ITGA8: variants seen among roughly 807,000 people sequenced by gnomAD.
ITGA8 encodes integrin subunit alpha 8.
ITGA8 carries 91 observed loss-of-function variants against 142.3 expected under a neutral mutation model. The observed-to-expected ratio is 0.64, with a 90% CI of 0.54 to 0.76. The LOEUF (loss-of-function observed/expected upper bound fraction) is 0.76, where lower values mean the gene tolerates loss of function less well. Ranked by LOEUF, ITGA8 falls within the 30% of genes least tolerant of loss-of-function variation. The pLI, the probability that ITGA8 is intolerant of heterozygous loss-of-function variation, is 0.00. For synonymous variants in ITGA8, 505 were observed against 485.2 expected, an observed-to-expected ratio of 1.04 and a Z score of -0.54; for missense variants, 1,406 against 1,327.7, an observed-to-expected ratio of 1.06 and a Z score of -0.92.
chr10:15,662,034 A>C (rs535892373), intron 8 of ITGA8, among the ~76,000 whole-genome samples: 1 of 152,314 alleles, frequency 6.6e-6, no homozygotes, highest in South Asian at 2.1e-4. Flanking sequence ...GAAACATGGC[A>C]ACCACAACTT....
At chr10:15,623,310 C>T (rs11253580) in intron 13 of ITGA8, among the ~76,000 whole-genome samples, 37,005 of 152,084 alleles carry the variant, frequency 0.24, 5,291 homozygotes, top group Non-Finnish European at 0.33. Context: ...GGCTCCTGAA[C>T]CCACACTGGG....
rs1000100339 is a variant in ITGA8, at chr10:15,516,074, C to A, written c.*1084G>T. 1 of 152,042 alleles carries A rather than the reference C, an allele frequency of 6.6e-6. No homozygotes were observed. The highest frequency in any genetic ancestry group is 1.5e-5 in the Non-Finnish European group (1 of 68,004). The allele number at this position is 152,042 out of a possible 1,614,324, so 9.4% of individuals were successfully genotyped here. ...CAAGTACAAGGCATAGCAGGAAAAA[C>A]GGGTATTTAATCCCAAGCTAAATAT... On this transcript the variant is annotated 3_prime_UTR_variant, in exon 30 of 30. Transcript: ENST00000378076.
chr10:15,709,288 C>T (rs565450178), intron 2 of ITGA8, among the ~76,000 whole-genome samples: 1 of 152,346 alleles, frequency 6.6e-6, no homozygotes, highest in East Asian at 1.9e-4. Context: ...CGAAACTTCT[C>T]ACTTTTCTCT....
intron 2 of ITGA8, among the ~76,000 whole-genome samples, chr10:15,713,838 A>T (rs954913709): frequency 3.9e-5 from 6 of 152,152 alleles, no homozygotes; most frequent in African/African-American, 1.4e-4. Flanking sequence ...ATTGTCTTCC[A>T]TTTTAAGTTT....
intron 2 of ITGA8, among the ~76,000 whole-genome samples, chr10:15,697,176 T>A (rs1835069639): frequency 6.6e-6 from 1 of 152,134 alleles, no homozygotes; most frequent in African/African-American, 2.4e-5. Flanking sequence ...TAAGATAGAC[T>A]AAGATTCAAC....
chr10:15,584,078 C>T (rs1371112899), intron 23 of ITGA8, among the ~76,000 whole-genome samples: 3 of 152,136 alleles, frequency 2.0e-5, no homozygotes, highest in African/African-American at 7.2e-5. Flanking sequence ...AGGTGGATCA[C>T]CTGAGGTACA....
At chr10:15,670,673 T>C (rs1834495197) in intron 8 of ITGA8, among the ~76,000 whole-genome samples, 1 of 152,308 alleles carries the variant, frequency 6.6e-6, no homozygotes, top group African/African-American at 2.4e-5. Context: ...GCAGCCAGTG[T>C]GATTTGTTCT....
At chr10:15,557,635 G>A (rs963247592) in intron 26 of ITGA8, among the ~76,000 whole-genome samples, 2 of 152,282 alleles carry the variant, frequency 1.3e-5, no homozygotes, top group East Asian at 1.9e-4. Flanking sequence ...TTACAGGTGT[G>A]AGCCACCATA....
intron 4 of ITGA8, among the ~76,000 whole-genome samples, chr10:15,683,290 C>T (rs1207791318): frequency 2.2e-4 from 11 of 49,416 alleles, no homozygotes; most frequent in Admixed American, 1.7e-3. Context: ...TCCATCCATC[C>T]ATCCACCCAT....
intron 13 of ITGA8, 61 bp downstream of exon 13, chr10:15,643,969 C>A: frequency 6.8e-7 from 1 of 1,479,586 alleles, no homozygotes; most frequent in Non-Finnish European, 9.2e-7. Flanking sequence ...ATGCATTTTT[C>A]AGAAAATGGA....
At chr10:15,563,918 CAAA>C (rs928341834) in intron 25 of ITGA8, among the ~76,000 whole-genome samples, 1 of 96,176 alleles carries the variant, frequency 1.0e-5, no homozygotes, top group Non-Finnish European at 2.2e-5. Context: ...AGGCTGTCTC[CAAA>C]AAAAAAAAAA....
At chr10:15,645,576 TACTA>T (rs1287441359) in intron 12 of ITGA8, among the ~76,000 whole-genome samples, 1 of 152,222 alleles carries the variant, frequency 6.6e-6, no homozygotes, top group Non-Finnish European at 1.5e-5. Flanking sequence ...CTTTAAAATT[TACTA>T]ACCATATGTT....
intron 8 of ITGA8, among the ~76,000 whole-genome samples, chr10:15,671,378 A>G (rs1287195015): frequency 6.6e-6 from 1 of 152,152 alleles, no homozygotes; most frequent in Non-Finnish European, 1.5e-5. Flanking sequence ...CTAATATTTT[A>G]TTGCTTAACT....
At chr10:15,657,516 T>TTTTTC (rs1285162592) in intron 10 of ITGA8, among the ~76,000 whole-genome samples, 1 of 144,938 alleles carries the variant, frequency 6.9e-6, no homozygotes, top group Non-Finnish European at 1.5e-5. Context: ...TTTCATTTTT[T>TTTTTC]TTTTTTTTTT....
At chr10:15,521,755 A>G (rs775944433) in intron 28 of ITGA8, among the ~76,000 whole-genome samples, 2 of 152,232 alleles carry the variant, frequency 1.3e-5, no homozygotes, top group Non-Finnish European at 2.9e-5. Flanking sequence ...TAAGGATGAG[A>G]AACGTAGTTC....
At chr10:15,549,158 T>C (rs569719222) in intron 26 of ITGA8, among the ~76,000 whole-genome samples, 9 of 151,704 alleles carry the variant, frequency 5.9e-5, no homozygotes, top group Non-Finnish European at 1.2e-4. Flanking sequence ...AATGACATTC[T>C]ATCTATCAAA....
chr10:15,609,525 A>G (rs1833254995), intron 15 of ITGA8, among the ~76,000 whole-genome samples: 1 of 152,186 alleles, frequency 6.6e-6, no homozygotes, highest in Non-Finnish European at 1.5e-5. Flanking sequence ...ACATACCATT[A>G]AGCCAAAAGT....
chr10:15,659,857 G>A (rs1479911469), intron 9 of ITGA8, among the ~76,000 whole-genome samples: 1 of 152,134 alleles, frequency 6.6e-6, no homozygotes, highest in Non-Finnish European at 1.5e-5. Flanking sequence ...GGACCATCAG[G>A]GGCTGGAAGG....
intron 23 of ITGA8, among the ~76,000 whole-genome samples, chr10:15,585,401 T>C (rs953963439): frequency 5.9e-5 from 9 of 152,222 alleles, no homozygotes; most frequent in Non-Finnish European, 8.8e-5. Context: ...GGGAACAGTG[T>C]ATGTTAGACA....
Sources: allele counts gnomAD v4.1 joint callset (sites outside exome capture counted in the v4.1 genomes callset), GRCh38; gene constraint gnomAD v4.1.1; transcripts MANE v1.5; gene names NCBI Gene and HGNC (gene_info 2026-07-23, HGNC 2026-07-21).